Variants in NRCAM observed in about 807,000 individuals in gnomAD.
NRCAM encodes NgCAM-related cell adhesion molecule.
A neutral mutation model predicts 156.5 loss-of-function variants in NRCAM; 83 were observed. The observed-to-expected ratio is 0.53, with a 90% CI of 0.44 to 0.64. The LOEUF (loss-of-function observed/expected upper bound fraction) is 0.64, where lower values mean the gene tolerates loss of function less well. Ranked by LOEUF, NRCAM falls within the 30% of genes least tolerant of loss-of-function variation. NRCAM has a pLI of 0.00. For missense variants in NRCAM, 1,417 were observed against 1,597.3 expected (o/e 0.89, Z 1.92); for synonymous variants, 538 against 563.9 (o/e 0.95, Z 0.65).
chr7:108,267,376 T>C (rs1187250311), intron 3 of NRCAM, among the ~76,000 whole-genome samples: 3 of 152,226 alleles, frequency 2.0e-5, no homozygotes, highest in African/African-American at 7.2e-5. Context: ...CTTTATAATA[T>C]AGCAATTGCT....
chr7:108,213,307 C>T (rs936309339), intron 11 of NRCAM, among the ~76,000 whole-genome samples: 1 of 152,146 alleles, frequency 6.6e-6, no homozygotes, highest in African/African-American at 2.4e-5. Context: ...AAGCATAAAT[C>T]ACACAGGACC....
intron 2 of NRCAM, among the ~76,000 whole-genome samples, chr7:108,380,793 T>C (rs2099697382): frequency 1.3e-5 from 2 of 152,184 alleles, no homozygotes; most frequent in African/African-American, 4.8e-5. Context: ...TGCCCAAAGT[T>C]CCAGGCTAGC....
At chr7:108,160,559 C>CAGAGTAAAAAA (rs1410607095) in intron 30 of NRCAM, 67 bp from the exon 31 acceptor site, 1 of 1,478,402 alleles carries the variant, frequency 6.8e-7, no homozygotes, top group African/African-American at 1.4e-5. Flanking sequence ...TGCAGTCTCT[C>CAGAGTAAAAAA]AGAGTAAAAA....
chr7:108,189,677 G>T lies in NRCAM; in HGVS notation c.2003C>A (p.Thr668Asn), dbSNP rs544630338. 3.8e-5 allele frequency: 58 copies of T among 1,530,678 alleles called. 1 individual carries two copies. The South Asian group carries it at 5.6e-4, about 15-fold the overall frequency. 94.8% of individuals were successfully genotyped at this position (1,530,678 alleles called of 1,614,324 possible). The change falls in exon 20 of 33, where the codon ACC (threonine) becomes AAC (asparagine). Residue 668 changes from threonine (T) to asparagine (N), a missense_variant. This residue lies in a region of NRCAM where 1,238 missense variants were observed against 1,336.4 expected (regional missense o/e 0.93). Transcript: ENST00000379028. ...QLDKSVQLSW[T>N]PGDDNNSPIT... ...GGGGCTATTGTTGTCATCGCCTGGG[G>T]TCCATGACAGCTGAACACTTTTGTC...
At chr7:108,152,990 G>A (rs2150988879) in intron 32 of NRCAM, among the ~76,000 whole-genome samples, 1 of 152,268 alleles carries the variant, frequency 6.6e-6, no homozygotes, top group Middle Eastern at 3.4e-3. Context: ...AAGCTTGGAA[G>A]TACTGTTACT....
intron 23 of NRCAM, among the ~76,000 whole-genome samples, 161 bp from the exon 24 acceptor site, chr7:108,182,098 TGA>T (rs2063790896): frequency 1.1e-5 from 1 of 88,222 alleles, no homozygotes; most frequent in Non-Finnish European, 2.5e-5. Context: ...TTTGACTTTG[TGA>T]GAGATTTTTT....
At position 108,211,353 on chromosome 7, in the gene NRCAM, A is replaced by G. The variant is rs150018689; in HGVS notation, c.891-1748T>C. ...AGAAGGAAGTCTCCAGCTGAACTTT[A>G]TAACAATTTGAACCAGACGAGAAAC... On this transcript the variant is annotated intron_variant, in intron 11 of 32. Transcript: ENST00000379028. Among the ~76,000 whole-genome samples the G allele has an allele frequency of 3.3e-4, 51 of 152,278 alleles. No individual in the cohort carries two copies. The East Asian group carries it at 8.7e-3, about 26-fold the overall frequency.
intron 32 of NRCAM, 28 bp downstream of exon 32, chr7:108,159,435 G>A (rs961259924): frequency 6.3e-7 from 1 of 1,579,020 alleles, no homozygotes; most frequent in Admixed American, 1.7e-5. Context: ...GGGCAGAGAA[G>A]ATGAAGAGCA....
rs893082414 is a variant in NRCAM at position 108,385,776 on chromosome 7, A to C, written c.-174+13660T>G. Among the ~76,000 whole-genome samples the C allele has an allele frequency of 2.0e-5, 3 of 152,138 alleles. 1 individual carries two copies. The highest frequency in any genetic ancestry group is 6.3e-3 in the Middle Eastern group (2 of 316). On this transcript the variant is annotated intron_variant, in intron 2 of 32. Coordinates refer to ENST00000379028, the MANE Select transcript of NRCAM (RefSeq NM_001037132.4). ...AACAGGAATGAAATTGCGTATTTGAATGGAATGTATTGGAGAGAATATGGA... is the reference window on the plus strand; with the variant it reads ...AACAGGAATGAAATTGCGTATTTGACTGGAATGTATTGGAGAGAATATGGA...
At chr7:108,201,030 C>T (rs1374684980) in intron 13 of NRCAM, among the ~76,000 whole-genome samples, 1 of 152,016 alleles carries the variant, frequency 6.6e-6, no homozygotes, top group Non-Finnish European at 1.5e-5. Flanking sequence ...ATATTGGGTA[C>T]AGTGTGTACA....
chr7:108,357,455 C>T (rs764857641), intron 2 of NRCAM, among the ~76,000 whole-genome samples: 2 of 151,916 alleles, frequency 1.3e-5, no homozygotes, highest in Non-Finnish European at 2.9e-5. Context: ...TTCAGCTTCC[C>T]GAGTAGCTGG....
At chr7:108,425,151 T>C (rs992612058) in intron 1 of NRCAM, among the ~76,000 whole-genome samples, 6 of 152,156 alleles carry the variant, frequency 3.9e-5, no homozygotes, top group Non-Finnish European at 7.3e-5. Context: ...TTTCATCAGA[T>C]TTTTTAAAAG....
intron 3 of NRCAM, among the ~76,000 whole-genome samples, chr7:108,255,256 C>T (rs1031657157): frequency 6.6e-6 from 1 of 150,460 alleles, no homozygotes; most frequent in South Asian, 2.1e-4. Context: ...CGGCTCACTG[C>T]AAACTCCCTG....
intron 1 of NRCAM, among the ~76,000 whole-genome samples, chr7:108,424,725 T>C (rs906164664): frequency 6.6e-6 from 1 of 152,170 alleles, no homozygotes. Context: ...GGGGAAAGAA[T>C]GTACTGGAAA....
chr7:108,442,754 T>C (rs1044909573), intron 1 of NRCAM, among the ~76,000 whole-genome samples: 9 of 152,124 alleles, frequency 5.9e-5, no homozygotes, highest in Non-Finnish European at 1.0e-4. Flanking sequence ...TCAAGGCAAA[T>C]ATTTAAAAGA....
rs1433677924 is a variant in NRCAM, at chr7:108,149,884, T to C, written c.*26A>G. ...GCTTAGGATAAACATTCTAGAGAAA[T>C]GGAATATTGGCAAAGAGCTTAAAAA... is the stretch of plus-strand genomic sequence containing the variant. On this transcript the variant is annotated 3_prime_UTR_variant, in exon 33 of 33. Coordinates refer to ENST00000379028, the MANE Select transcript of NRCAM (RefSeq NM_001037132.4). The C allele has an allele frequency of 6.4e-7, 1 of 1,569,680 alleles. No homozygotes were observed. The highest frequency in any genetic ancestry group is 1.2e-5 in the South Asian group (1 of 86,826).
At chr7:108,248,447 G>A (rs1014300040) in intron 3 of NRCAM, among the ~76,000 whole-genome samples, 1 of 152,004 alleles carries the variant, frequency 6.6e-6, no homozygotes, top group African/African-American at 2.4e-5. Flanking sequence ...GGGTAGTAAT[G>A]CAAGGAGAAG....
chr7:108,454,561 A>G (rs921323457), intron 1 of NRCAM, among the ~76,000 whole-genome samples: 1 of 152,246 alleles, frequency 6.6e-6, no homozygotes, highest in African/African-American at 2.4e-5. Context: ...TTACCATTAA[A>G]GCAGCAAGTA....
intron 2 of NRCAM, among the ~76,000 whole-genome samples, chr7:108,386,671 C>T (rs2099741719): frequency 6.6e-6 from 1 of 152,018 alleles, no homozygotes; most frequent in Admixed American, 6.6e-5. Context: ...CATAAAGACA[C>T]CTATTCAATG....
Sources: allele counts gnomAD v4.1 joint callset (sites outside exome capture counted in the v4.1 genomes callset), GRCh38; gene constraint gnomAD v4.1.1; regional missense constraint gnomAD v4.1.1; transcripts MANE v1.5; gene names NCBI Gene and HGNC (gene_info 2026-07-23, HGNC 2026-07-21).